The following KATNIP variants were observed in gnomAD, a reference collection of about 807,000 sequenced individuals.
The protein encoded by KATNIP is katanin interacting protein.
KATNIP carries 126 observed loss-of-function variants against 174.0 expected under a neutral mutation model. That is an observed-to-expected ratio of 0.72 (90% CI 0.63 to 0.84). The LOEUF (loss-of-function observed/expected upper bound fraction) is 0.84. Ranked by LOEUF, KATNIP falls within the 40% of genes least tolerant of loss-of-function variation. The pLI is 0.00. For synonymous variants in KATNIP, 810 were observed against 835.7 expected, an observed-to-expected ratio of 0.97 and a Z score of 0.53; for missense variants, 1,958 against 2,109.7, an observed-to-expected ratio of 0.93 and a Z score of 1.41.
Position 27,779,581 on chromosome 16 carries a change from A to T in KATNIP, c.*952A>T, listed in dbSNP as rs1397242488. On this transcript the variant is annotated 3_prime_UTR_variant, in exon 28 of 28. Coordinates refer to ENST00000261588, the MANE Select transcript of KATNIP (RefSeq NM_015202.5). ...GGTCTGATCACGGCTGTGCTCACTG[A>T]TGTGGCTGCTTTCTGTCTCTGCCCC... is the stretch of plus-strand genomic sequence containing the variant. 1 of 152,304 alleles carries T rather than the reference A, an allele frequency of 6.6e-6. No homozygotes were observed. The highest frequency in any genetic ancestry group is 1.5e-5 in the Non-Finnish European group (1 of 68,140). The allele number at this position is 152,304 out of a possible 1,614,324, so 9.4% of individuals were successfully genotyped here.
chr16:27,739,657 C>G (rs1275810920), intron 14 of KATNIP, among the ~76,000 whole-genome samples: 1 of 152,184 alleles, frequency 6.6e-6, no homozygotes, highest in Non-Finnish European at 1.5e-5. Flanking sequence ...TGAAGGATTT[C>G]ACACAGGGGA....
intron 23 of KATNIP, among the ~76,000 whole-genome samples, chr16:27,773,739 G>T (rs1443733151): frequency 2.0e-5 from 3 of 152,076 alleles, no homozygotes; most frequent in African/African-American, 7.2e-5. Flanking sequence ...GGCAACACAG[G>T]CCCTTGATTA....
At chr16:27,695,181 C>A (rs1233008935) in intron 8 of KATNIP, among the ~76,000 whole-genome samples, 1 of 152,198 alleles carries the variant, frequency 6.6e-6, no homozygotes, top group Non-Finnish European at 1.5e-5. Context: ...CAACTAGTAG[C>A]CCCTGGCCAT....
In KATNIP at chr16:27,703,930, G is replaced by A. The variant is rs760957442; in HGVS notation, c.1321G>A (p.Val441Ile). ...GAAGCTTCTGAAAGTCCTCCAGGCC[G>A]TCGAAAGTGACTCTGCCCATCTCGG... ...QQKLLKVLQA[V>I]ESDSAHLGRV... is the part of the protein sequence containing the mutation. The change falls in exon 12 of 28, where the codon GTC (valine) becomes ATC (isoleucine). Residue 441 changes from valine (V) to isoleucine (I), a missense_variant. Physicochemically the swap from Val to Ile is conservative, Grantham distance 29. Transcript: ENST00000261588. 24 of 1,614,078 alleles carry A rather than the reference G, an allele frequency of 1.5e-5. No individual in the cohort carries two copies. The highest frequency in any genetic ancestry group is 3.3e-5 in the Admixed American group (2 of 60,008).
chr16:27,582,881 T>G (rs1450189936), intron 2 of KATNIP, among the ~76,000 whole-genome samples: 8 of 152,136 alleles, frequency 5.3e-5, no homozygotes, highest in African/African-American at 1.9e-4. Context: ...TTTACAAAGC[T>G]AATCCCTTGA....
chr16:27,601,277 G>A (rs1242787179), intron 2 of KATNIP, among the ~76,000 whole-genome samples: 1 of 152,156 alleles, frequency 6.6e-6, no homozygotes, highest in East Asian at 1.9e-4. Context: ...CCTGATGGGG[G>A]AGGCCATGTG....
chr16:27,653,723 A>G (rs557358584), intron 6 of KATNIP, among the ~76,000 whole-genome samples: 15 of 151,996 alleles, frequency 9.9e-5, no homozygotes, highest in African/African-American at 3.6e-4. Flanking sequence ...CAGTAGCACA[A>G]TCACAGCTCA....
rs796948325 is a variant in KATNIP, at chr16:27,574,102, C to T, written c.63+146C>T. On this transcript the variant is annotated intron_variant, in intron 2 of 27. Coordinates refer to ENST00000261588, the MANE Select transcript of KATNIP (RefSeq NM_015202.5). ...TCCTGGAGCAAATGATAGTGAGCAA[C>T]TAGACTTACCAACCCAGTGTCACTT... 13 of 652,532 alleles carry T rather than the reference C, an allele frequency of 2.0e-5. No homozygotes were observed. The African/African-American group carries it at 2.3e-4, about 12-fold the overall frequency. The allele number at this position is 652,532 out of a possible 1,614,324, so 40.4% of individuals were successfully genotyped here. A position where few individuals can be genotyped will look rare whatever the true frequency, so the allele number is the denominator to read the frequency against.
chr16:27,674,000 G>T (rs543346255), intron 6 of KATNIP, among the ~76,000 whole-genome samples: 3,422 of 152,218 alleles, frequency 0.022, 143 homozygotes, highest in African/African-American at 0.079. Context: ...GTAAATATCT[G>T]GGTATCTGGG....
At chr16:27,643,551 G>A (rs866442745) in intron 5 of KATNIP, among the ~76,000 whole-genome samples, 7 of 125,156 alleles carry the variant, frequency 5.6e-5, no homozygotes, top group Admixed American at 3.1e-4. Flanking sequence ...AGATCACCCC[G>A]CTGCACTCCA....
In KATNIP at chr16:27,708,766, T is replaced by A; in HGVS notation, c.1451T>A (p.Leu484Gln). The change falls in exon 13 of 28, where the codon CTG becomes CAG. Residue 484 changes from leucine (L) to glutamine (Q), a missense_variant. Transcript: ENST00000261588. ...GCCATCTACGTGACCATGGAGATCCTGTCCAACTGGGGCAACTCGTGGTGG... is the reference window on the plus strand; with the variant it reads ...GCCATCTACGTGACCATGGAGATCCAGTCCAACTGGGGCAACTCGTGGTGG... ...KDAIYVTMEI[L>Q]SNWGNSWWVG... is the part of the protein sequence containing the mutation. 6.2e-7 allele frequency: 1 copy of A among 1,613,980 alleles called. No individual in the cohort carries two copies. The highest frequency in any genetic ancestry group is 1.1e-5 in the South Asian group (1 of 91,076).
chr16:27,698,540 T>G, intron 9 of KATNIP, 40 bp downstream of exon 9: 1 of 1,556,784 alleles, frequency 6.4e-7, no homozygotes, highest in Non-Finnish European at 8.7e-7. Flanking sequence ...GGATGCTCCC[T>G]GGACTGGGCA....
In KATNIP at chr16:27,777,107, C is replaced by T; in HGVS notation, c.4551+78C>T. ...GGCCGCCGGCAATTATCATTTGTCG[C>T]AGTTTGATTTACTTCTCTCTGTTGC... On this transcript the variant is annotated intron_variant, in intron 25 of 27. Transcript: ENST00000261588. The surrounding 1 kb of genome is among the most constrained non-coding windows in gnomAD (Gnocchi z 4.4). The T allele has an allele frequency of 1.0e-6, 1 of 969,132 alleles. No individual in the cohort carries two copies. The highest frequency in any genetic ancestry group is 1.8e-5 in the Admixed American group (1 of 56,008). 60.0% of individuals were successfully genotyped at this position (969,132 alleles called of 1,614,324 possible).
At chr16:27,744,451 C>T (rs754341227) in intron 15 of KATNIP, among the ~76,000 whole-genome samples, 6 of 149,718 alleles carry the variant, frequency 4.0e-5, no homozygotes, top group Admixed American at 6.6e-5. Flanking sequence ...TCACTTGAAC[C>T]CAGGCACTGA....
At chr16:27,577,989 T>A (rs988604917) in intron 2 of KATNIP, among the ~76,000 whole-genome samples, 1 of 152,198 alleles carries the variant, frequency 6.6e-6, no homozygotes, top group African/African-American at 2.4e-5. Flanking sequence ...ATTCATTCAT[T>A]CATACATTTA....
At chr16:27,736,195 G>GT (rs1248645353) in intron 14 of KATNIP, among the ~76,000 whole-genome samples, 1 of 152,120 alleles carries the variant, frequency 6.6e-6, no homozygotes, top group Non-Finnish European at 1.5e-5. Context: ...TAGAGACGGG[G>GT]TTTCATCATG....
intron 3 of KATNIP, among the ~76,000 whole-genome samples, chr16:27,627,631 A>T (rs1319568831): frequency 6.6e-6 from 1 of 152,284 alleles, no homozygotes; most frequent in Admixed American, 6.5e-5. Flanking sequence ...TCGTACTGCG[A>T]ATAATGAGAA....
At chr16:27,734,275 G>A (rs1283534587) in intron 14 of KATNIP, among the ~76,000 whole-genome samples, 16 of 151,522 alleles carry the variant, frequency 1.1e-4, no homozygotes, top group East Asian at 2.0e-4. Flanking sequence ...TAGAGACAGC[G>A]TTTCTGGCAC....
chr16:27,740,807 A>C lies in KATNIP; in HGVS notation c.2510A>C (p.Asp837Ala). The C allele has an allele frequency of 6.2e-7, 1 of 1,614,076 alleles. No individual in the cohort carries two copies. Among genetic ancestry groups the C allele is most frequent in the Non-Finnish European group, 8.5e-7 (1 of 1,179,988 alleles). Residue 837 changes from aspartate to alanine, a missense_variant, in exon 15 of 28, where the codon GAC (aspartate) becomes GCC (alanine). Asp to Ala is a moderately radical substitution (Grantham distance 126). This residue lies in a region of KATNIP where 1,557 missense variants were observed against 1,617.8 expected (regional missense o/e 0.96). Transcript: ENST00000261588. Reference protein sequence around the residue: ...QRATTKVHSDDSDIFNQPPNR... With the variant: ...QRATTKVHSDASDIFNQPPNR... ...GCAACCACCAAAGTCCACAGTGATG[A>C]CTCAGACATCTTTAACCAGCCCCCC...
Sources: gnomAD v4.1 joint callset for allele counts (sites outside exome capture counted in the v4.1 genomes callset) on GRCh38, gnomAD v4.1.1 for gene constraint, gnomAD v4.1.1 regional missense constraint, Gnocchi (gnomAD v3.1) non-coding constraint, MANE v1.5 for transcripts, NCBI Gene and HGNC (gene_info 2026-07-23, HGNC 2026-07-21) for gene names.